Variants in GRIK2 observed in about 807,000 individuals in gnomAD.
GRIK2 encodes glutamate ionotropic receptor kainate type subunit 2, also known as glutamate receptor ionotropic, kainate 2.
A neutral mutation model predicts 100.3 loss-of-function variants in GRIK2; 32 were observed. That is an observed-to-expected ratio of 0.32 (90% CI 0.24 to 0.43). The LOEUF (loss-of-function observed/expected upper bound fraction) is 0.43. Ranked by LOEUF, GRIK2 falls within the 20% of genes least tolerant of loss-of-function variation. GRIK2 has a pLI of 1.00. For synonymous variants in GRIK2, 417 were observed against 389.4 expected, an observed-to-expected ratio of 1.07 and a Z score of -0.83; for missense variants, 843 against 1,114.9, an observed-to-expected ratio of 0.76 and a Z score of 3.47.
chr6:101,569,361 G>A (rs537467658), intron 2 of GRIK2, among the ~76,000 whole-genome samples: 58 of 151,812 alleles, frequency 3.8e-4, no homozygotes, highest in Non-Finnish European at 7.4e-4. Flanking sequence ...GCTTTTAAAA[G>A]TAATTAAGTA....
intron 7 of GRIK2, among the ~76,000 whole-genome samples, chr6:101,773,382 A>C (rs1778526324): frequency 1.3e-5 from 2 of 151,660 alleles, no homozygotes; most frequent in African/African-American, 4.8e-5. Flanking sequence ...CGGGAGGCTC[A>C]GGCAGGAGAA....
intron 12 of GRIK2, among the ~76,000 whole-genome samples, chr6:101,904,386 AAAC>A (rs1238085796): frequency 2.0e-5 from 3 of 151,492 alleles, no homozygotes; most frequent in Admixed American, 6.6e-5. Context: ...AAAATTACTG[AAAC>A]AACATCATTG....
At chr6:101,608,116 A>C (rs1488173295) in intron 2 of GRIK2, among the ~76,000 whole-genome samples, 2 of 151,902 alleles carry the variant, frequency 1.3e-5, no homozygotes, top group East Asian at 3.9e-4. Flanking sequence ...TCAATAGAAA[A>C]CTGAAGTATA....
chr6:101,998,867 G>T (rs1202239461), intron 14 of GRIK2, among the ~76,000 whole-genome samples: 1 of 129,016 alleles, frequency 7.8e-6, no homozygotes, highest in African/African-American at 2.9e-5. Context: ...AGGCTGGAGT[G>T]CAGTGGCATG....
intron 11 of GRIK2, among the ~76,000 whole-genome samples, chr6:101,859,794 G>T (rs1784635149): frequency 6.6e-6 from 1 of 151,964 alleles, no homozygotes; most frequent in South Asian, 2.1e-4. Flanking sequence ...GGCTTTCCTG[G>T]GCCATAAAGT....
chr6:102,009,950 G>A (rs1427554536), intron 14 of GRIK2, among the ~76,000 whole-genome samples: 1 of 152,066 alleles, frequency 6.6e-6, no homozygotes, highest in Non-Finnish European at 1.5e-5. Flanking sequence ...TGCTTTTAAT[G>A]CTTGAGTGCA....
chr6:101,765,933 C>G (rs145710312), intron 7 of GRIK2, among the ~76,000 whole-genome samples: 133 of 152,134 alleles, frequency 8.7e-4, no homozygotes, highest in Non-Finnish European at 1.6e-3. Context: ...TTTGTGGAAT[C>G]CTTTTTTTAT....
intron 2 of GRIK2, among the ~76,000 whole-genome samples, chr6:101,440,608 A>G (rs541760373): frequency 4.6e-5 from 7 of 152,306 alleles, no homozygotes; most frequent in African/African-American, 1.7e-4. Flanking sequence ...TGTCTGTGTG[A>G]TAGAACCTGC....
At chr6:101,412,945 C>T (rs903388547) in intron 2 of GRIK2, among the ~76,000 whole-genome samples, 17 of 151,868 alleles carry the variant, frequency 1.1e-4, no homozygotes, top group Admixed American at 6.6e-5. Flanking sequence ...TTACTAAACC[C>T]GATAGCCACA....
chr6:101,396,672 A>C (rs1775021971), intron 1 of GRIK2, among the ~76,000 whole-genome samples: 1 of 152,154 alleles, frequency 6.6e-6, no homozygotes, highest in African/African-American at 2.4e-5. Context: ...ACACATTGTC[A>C]CTCAAATATC....
intron 2 of GRIK2, among the ~76,000 whole-genome samples, chr6:101,592,649 G>A (rs1429208457): frequency 7.7e-6 from 1 of 130,572 alleles, no homozygotes; most frequent in African/African-American, 3.0e-5. Flanking sequence ...CAAGCACTAC[G>A]TCTATCATCT....
At chr6:101,743,481 G>A (rs1423946383) in intron 7 of GRIK2, among the ~76,000 whole-genome samples, 2 of 152,038 alleles carry the variant, frequency 1.3e-5, no homozygotes, top group Non-Finnish European at 2.9e-5. Flanking sequence ...CTTCTATATG[G>A]AAACTTATTT....
In GRIK2 at chr6:101,612,986, T is replaced by C. The variant is rs552122520; in HGVS notation, c.116-8963T>C. Among the ~76,000 whole-genome samples, 32 of 151,894 alleles carry C rather than the reference T, an allele frequency of 2.1e-4. 1 individual carries two copies. In the South Asian group the frequency reaches 5.6e-3, roughly 27 times the overall value. On this transcript the variant is annotated intron_variant, in intron 2 of 16. Transcript: ENST00000369134. ...TTAAAGATTAGTCATTGAAAGATTT[T>C]AGGAAGTTGAATAATAAGATCAATG...
intron 2 of GRIK2, among the ~76,000 whole-genome samples, chr6:101,565,935 G>GTGTATA (rs869172326): frequency 9.1e-6 from 1 of 109,508 alleles, no homozygotes; most frequent in Non-Finnish European, 1.8e-5. Context: ...ATATATATGT[G>GTGTATA]TATATATATA....
At chr6:101,794,233 T>C (rs1306450385) in intron 7 of GRIK2, among the ~76,000 whole-genome samples, 1 of 152,138 alleles carries the variant, frequency 6.6e-6, no homozygotes, top group Admixed American at 6.5e-5. Flanking sequence ...GTGCCCACTG[T>C]CTGGCACTCC....
At chr6:102,043,397 T>G (rs927012980) in intron 15 of GRIK2, among the ~76,000 whole-genome samples, 3 of 151,736 alleles carry the variant, frequency 2.0e-5, no homozygotes, top group Non-Finnish European at 4.4e-5. Context: ...TATCTGAGAT[T>G]TTTTACCCTT....
chr6:101,662,669 A>G (rs938277262), intron 4 of GRIK2, among the ~76,000 whole-genome samples: 8 of 151,936 alleles, frequency 5.3e-5, no homozygotes, highest in Non-Finnish European at 1.0e-4. Context: ...GCTATTTTCT[A>G]TTTCTACAGT....
intron 2 of GRIK2, among the ~76,000 whole-genome samples, chr6:101,612,394 T>A (rs530019667): frequency 6.6e-6 from 1 of 151,978 alleles, no homozygotes; most frequent in African/African-American, 2.4e-5. Flanking sequence ...TCAAATAAAC[T>A]TTTTGATGAC....
At chr6:101,660,479 T>C (rs1482526780) in intron 4 of GRIK2, among the ~76,000 whole-genome samples, 3 of 152,192 alleles carry the variant, frequency 2.0e-5, no homozygotes, top group Non-Finnish European at 4.4e-5. Flanking sequence ...TTCTGTCAAT[T>C]CATCAAACTC....
Sources: allele counts gnomAD v4.1 joint callset (sites outside exome capture counted in the v4.1 genomes callset), GRCh38; gene constraint gnomAD v4.1.1; transcripts MANE v1.5; gene names NCBI Gene and HGNC (gene_info 2026-07-23, HGNC 2026-07-21).